Variants in CFAP20DC observed in about 807,000 individuals in gnomAD.
CFAP20DC encodes the protein protein CFAP20DC.
A neutral mutation model predicts 101.7 loss-of-function variants in CFAP20DC; 84 were observed. The ratio of observed to expected loss-of-function variants is 0.83; its 90% CI spans 0.69 to 0.99. The LOEUF is 0.99. Ranked by LOEUF, CFAP20DC falls within the 50% of genes least tolerant of loss-of-function variation. CFAP20DC has a pLI of 0.00. For synonymous variants in CFAP20DC, 359 were observed against 351.2 expected (o/e 1.02, Z -0.25); for missense variants, 1,007 against 970.3 (o/e 1.04, Z -0.50).
At chr3:58,969,319 T>TA (rs1229215246) in intron 4 of CFAP20DC, among the ~76,000 whole-genome samples, 1 of 152,030 alleles carries the variant, frequency 6.6e-6, no homozygotes, top group African/African-American at 2.4e-5. Context: ...ATGGGTATAA[T>TA]AAAAAAAGAC....
At position 59,049,839 on chromosome 3, in the gene CFAP20DC, C is replaced by T; in HGVS notation, c.-208G>A. 1.6e-6 allele frequency: 1 copy of T among 618,170 alleles called. No homozygotes were observed. The highest frequency in any genetic ancestry group is 2.8e-6 in the Non-Finnish European group (1 of 356,256). The allele number at this position is 618,170 out of a possible 1,614,324, so 38.3% of individuals were successfully genotyped here. A position where few individuals can be genotyped will look rare whatever the true frequency, so the allele number is the denominator to read the frequency against. On this transcript the variant is annotated 5_prime_UTR_variant, in exon 1 of 17. Transcript: ENST00000482387. ...CTCCCGCCCTCCATCAGCACCATTG[C>T]GGCTCCAGCCTCCGCGGTGCCCGGG...
intron 7 of CFAP20DC, among the ~76,000 whole-genome samples, chr3:58,873,903 T>A (rs543465347): frequency 2.6e-5 from 4 of 152,072 alleles, no homozygotes; most frequent in African/African-American, 7.2e-5. Flanking sequence ...GAAGTCTGGA[T>A]AGCTGTTCTA....
At position 58,732,039 on chromosome 3, in the gene CFAP20DC, A is replaced by G. The variant is rs1196534551; in HGVS notation, c.198-14411T>C. Among the ~76,000 whole-genome samples the G allele has an allele frequency of 6.6e-6, 1 of 152,222 alleles. No homozygotes were observed. The highest frequency in any genetic ancestry group is 1.5e-5 in the Non-Finnish European group (1 of 68,036). On this transcript the variant is annotated intron_variant, in intron 3 of 3. Transcript: ENST00000486145. This position sits in a 1 kb window ranked among gnomAD's most constrained non-coding sequence, Gnocchi z 5.4. ...GAGGATTAAATGAGAAAATATGCAC[A>G]TACAGTTCAGTGCGATGCTTGGGAG...
chr3:58,760,159 C>T (rs758648869), intron 15 of CFAP20DC, among the ~76,000 whole-genome samples: 22 of 152,170 alleles, frequency 1.4e-4, no homozygotes, highest in Non-Finnish European at 2.6e-4. Flanking sequence ...ATTCTTCCTA[C>T]CCATGAGCAT....
chr3:59,029,702 T>A (rs891336742), intron 4 of CFAP20DC, among the ~76,000 whole-genome samples: 1 of 152,154 alleles, frequency 6.6e-6, no homozygotes, highest in African/African-American at 2.4e-5. Context: ...AAGACCACTC[T>A]ACTGCAGTCT....
chr3:58,929,907 G>A (rs2086404530), intron 5 of CFAP20DC, among the ~76,000 whole-genome samples: 1 of 151,986 alleles, frequency 6.6e-6, no homozygotes, highest in African/African-American at 2.4e-5. Flanking sequence ...TCCCTTGTTG[G>A]AACCTCCTTG....
intron 4 of CFAP20DC, among the ~76,000 whole-genome samples, chr3:59,009,313 T>C (rs1230011615): frequency 6.6e-6 from 1 of 151,924 alleles, no homozygotes; most frequent in African/African-American, 2.4e-5. Context: ...TCCCCAGCAA[T>C]GGATTGAAGT....
At chr3:58,873,637 T>A (rs1214895429) in intron 7 of CFAP20DC, among the ~76,000 whole-genome samples, 2 of 150,908 alleles carry the variant, frequency 1.3e-5, no homozygotes, top group African/African-American at 4.9e-5. Context: ...TTCTGGATGT[T>A]GTCAGGCAGG....
intron 4 of CFAP20DC, among the ~76,000 whole-genome samples, chr3:59,003,759 GA>G (rs1328285122): frequency 1.3e-5 from 2 of 152,184 alleles, no homozygotes; most frequent in Non-Finnish European, 2.9e-5. Flanking sequence ...AGCATTCCAG[GA>G]AAAGTTTGAA....
At chr3:58,762,762 G>C (rs1384539611) in intron 15 of CFAP20DC, among the ~76,000 whole-genome samples, 1 of 152,290 alleles carries the variant, frequency 6.6e-6, no homozygotes, top group South Asian at 2.1e-4. Context: ...GCATTTGCTT[G>C]TCTGTAAAGG....
At chr3:58,951,785 A>G (rs2090140271) in intron 4 of CFAP20DC, among the ~76,000 whole-genome samples, 2 of 152,158 alleles carry the variant, frequency 1.3e-5, no homozygotes, top group South Asian at 2.1e-4. Context: ...GAGGGATAAC[A>G]TTAGGAGATA....
chr3:58,804,588 C>T (rs1321240568), intron 15 of CFAP20DC, among the ~76,000 whole-genome samples: 2 of 152,128 alleles, frequency 1.3e-5, no homozygotes, highest in Non-Finnish European at 2.9e-5. Context: ...GTCTCAAACT[C>T]CTGATTTCAG....
intron 14 of CFAP20DC, among the ~76,000 whole-genome samples, chr3:58,808,408 T>C (rs1024977906): frequency 1.3e-5 from 2 of 152,204 alleles, no homozygotes; most frequent in South Asian, 2.1e-4. Flanking sequence ...GGGACCAATA[T>C]TCAACATTCT....
intron 13 of CFAP20DC, among the ~76,000 whole-genome samples, chr3:58,845,214 G>A (rs2077517502): frequency 6.6e-6 from 1 of 150,426 alleles, no homozygotes; most frequent in South Asian, 2.1e-4. Context: ...AAAAATTAAT[G>A]AATCCAGGAG....
intron 4 of CFAP20DC, among the ~76,000 whole-genome samples, chr3:59,030,371 C>T (rs1294600905): frequency 6.6e-6 from 1 of 152,162 alleles, no homozygotes; most frequent in Non-Finnish European, 1.5e-5. Context: ...TCACTACTTC[C>T]TAAAACAGCA....
chr3:58,945,721 G>A lies in CFAP20DC; in HGVS notation c.279-7959C>T, dbSNP rs181686711. ...TCTTTTTTTTTTTTTTTTCTGAGAC[G>A]GAGTCTCGTTCTGTCACTGGGCTGG... On this transcript the variant is annotated intron_variant, in intron 4 of 16. Transcript: ENST00000482387. Among the ~76,000 whole-genome samples, 538 of 147,132 alleles carry A rather than the reference G, an allele frequency of 3.7e-3. 1 individual carries two copies. Among genetic ancestry groups the A allele is most frequent in the Non-Finnish European group, 6.3e-3 (421 of 67,036 alleles).
intron 14 of CFAP20DC, among the ~76,000 whole-genome samples, chr3:58,809,148 C>T (rs1457971218): frequency 1.1e-4 from 16 of 147,376 alleles, no homozygotes; most frequent in Admixed American, 1.1e-3. Context: ...CAACATTAGA[C>T]AGAAAGTTAA....
chr3:58,755,234 T>C lies in CFAP20DC; in HGVS notation c.2238-1371A>G, dbSNP rs1167896385. Among the ~76,000 whole-genome samples the C allele has an allele frequency of 2.0e-5, 3 of 152,282 alleles. No homozygotes were observed. The East Asian group carries it at 5.8e-4, about 29-fold the overall frequency. On this transcript the variant is annotated intron_variant, in intron 15 of 16. Coordinates refer to ENST00000482387, the MANE Select transcript of CFAP20DC (RefSeq NM_001394063.1). ...TCACTACATTGTGGCTGGTGAAATATGCAAGGTGAGCATGCTGTGTAATTG... is the reference window on the plus strand; with the variant it reads ...TCACTACATTGTGGCTGGTGAAATACGCAAGGTGAGCATGCTGTGTAATTG...
At chr3:58,755,713 C>T (rs1002110591) in intron 15 of CFAP20DC, among the ~76,000 whole-genome samples, 8 of 152,118 alleles carry the variant, frequency 5.3e-5, no homozygotes, top group African/African-American at 1.9e-4. Context: ...AGAAAAGTTG[C>T]AAGAAGAGTA....
Sources: allele counts gnomAD v4.1 joint callset (sites outside exome capture counted in the v4.1 genomes callset), GRCh38; gene constraint gnomAD v4.1.1; non-coding constraint Gnocchi (gnomAD v3.1); transcripts MANE v1.5; gene names NCBI Gene and HGNC (gene_info 2026-07-23, HGNC 2026-07-21).